Variants in BRINP1 observed in about 807,000 individuals in gnomAD.
BRINP1 encodes the protein BMP/retinoic acid inducible neural specific 1.
In BRINP1, 17 loss-of-function variants were observed where a neutral mutation model predicts 72.9. That is an observed-to-expected ratio of 0.23 (90% CI 0.16 to 0.35). The LOEUF is 0.35. Ranked by LOEUF, BRINP1 falls within the 10% of genes least tolerant of loss-of-function variation. The pLI is 1.00. For missense variants in BRINP1, 850 were observed against 1,001.6 expected (o/e 0.85, Z 2.04); for synonymous variants, 418 against 378.5 (o/e 1.10, Z -1.21).
chr9:119,295,165 T>A (rs906708376), intron 2 of BRINP1, among the ~76,000 whole-genome samples: 1 of 152,152 alleles, frequency 6.6e-6, no homozygotes, highest in Non-Finnish European at 1.5e-5. Context: ...TTTTAATTTT[T>A]TTTTAATTAT....
rs147873678 is a variant in BRINP1 at position 119,212,792 on chromosome 9, T to C, written c.922+1127A>G. ...CTCAAGGATTCTCAAGCTTATCCTA[T>C]AGAAAAGTGAGCACATGGTCTTCTT... On this transcript the variant is annotated intron_variant, in intron 6 of 7. Coordinates refer to ENST00000265922, the MANE Select transcript of BRINP1 (RefSeq NM_014618.3). Among the ~76,000 whole-genome samples the C allele has an allele frequency of 1.6e-4, 25 of 152,330 alleles. No homozygotes were observed. The East Asian group carries it at 2.5e-3, about 15-fold the overall frequency.
chr9:119,178,503 TC>T (rs1405517623), intron 7 of BRINP1, among the ~76,000 whole-genome samples: 2 of 152,144 alleles, frequency 1.3e-5, no homozygotes, highest in Non-Finnish European at 2.9e-5. Context: ...CTCCTATACC[TC>T]CCCTATCTCC....
intron 2 of BRINP1, among the ~76,000 whole-genome samples, chr9:119,251,827 G>C (rs752729654): frequency 1.3e-5 from 2 of 152,162 alleles, no homozygotes; most frequent in African/African-American, 4.8e-5. Flanking sequence ...CTTGCGGCTT[G>C]AGTCCTAATG....
chr9:119,265,853 T>C (rs1159706451), intron 2 of BRINP1, among the ~76,000 whole-genome samples: 1 of 152,138 alleles, frequency 6.6e-6, no homozygotes, highest in Non-Finnish European at 1.5e-5. Flanking sequence ...TAGTACCCCA[T>C]AGGTAGTTTT....
At chr9:119,309,807 C>T (rs1284080760) in intron 2 of BRINP1, among the ~76,000 whole-genome samples, 1 of 151,922 alleles carries the variant, frequency 6.6e-6, no homozygotes, top group African/African-American at 2.4e-5. Flanking sequence ...GAGGAGGGGG[C>T]GTGGGTTATG....
At chr9:119,355,241 C>G (rs1181662912) in intron 1 of BRINP1, among the ~76,000 whole-genome samples, 2 of 152,160 alleles carry the variant, frequency 1.3e-5, no homozygotes, top group African/African-American at 2.4e-5. Context: ...TAATCATGCT[C>G]TATATGATAT....
intron 7 of BRINP1, among the ~76,000 whole-genome samples, chr9:119,207,218 A>T (rs1016797306): frequency 6.6e-6 from 1 of 152,166 alleles, no homozygotes; most frequent in African/African-American, 2.4e-5. Context: ...AAAACGAGAG[A>T]AAAAAGGGTG....
intron 2 of BRINP1, among the ~76,000 whole-genome samples, chr9:119,297,936 C>T (rs1041476813): frequency 7.2e-5 from 11 of 152,232 alleles, no homozygotes; most frequent in Admixed American, 2.0e-4. Flanking sequence ...TGACAAGCAT[C>T]CGGGCCTGGG....
chr9:119,295,819 A>T (rs1436863134), intron 2 of BRINP1, among the ~76,000 whole-genome samples: 1 of 152,238 alleles, frequency 6.6e-6, no homozygotes, highest in African/African-American at 2.4e-5. Context: ...ATGTTGTTAG[A>T]AAAACAAGAC....
intron 2 of BRINP1, among the ~76,000 whole-genome samples, chr9:119,299,306 T>A (rs2147435): frequency 0.47 from 70,692 of 151,994 alleles, 17,079 homozygotes; most frequent in African/African-American, 0.58. Flanking sequence ...ACTTATTTAG[T>A]TTCCACATAT....
At chr9:119,188,321 A>G (rs1829646222) in intron 7 of BRINP1, among the ~76,000 whole-genome samples, 1 of 152,212 alleles carries the variant, frequency 6.6e-6, no homozygotes. Context: ...AGGAAATAAT[A>G]GGATGATACA....
At chr9:119,343,503 C>A (rs937740733) in intron 1 of BRINP1, among the ~76,000 whole-genome samples, 6 of 152,126 alleles carry the variant, frequency 3.9e-5, no homozygotes, top group African/African-American at 1.4e-4. Flanking sequence ...CGTGTTTGCT[C>A]CTCCTGCACG....
intron 1 of BRINP1, among the ~76,000 whole-genome samples, chr9:119,336,929 C>T (rs1423800113): frequency 6.6e-6 from 1 of 152,118 alleles, no homozygotes; most frequent in Non-Finnish European, 1.5e-5. Flanking sequence ...GGACAGGCAT[C>T]TGATTCCACG....
chr9:119,195,206 T>C (rs1328645235), intron 7 of BRINP1, among the ~76,000 whole-genome samples: 1 of 152,178 alleles, frequency 6.6e-6, no homozygotes, highest in East Asian at 1.9e-4. Context: ...ACTCATTGTC[T>C]TGCTCACCCC....
chr9:119,302,853 C>T (rs913128393), intron 2 of BRINP1, among the ~76,000 whole-genome samples: 2 of 151,842 alleles, frequency 1.3e-5, no homozygotes, highest in African/African-American at 4.8e-5. Context: ...TTTCAACACT[C>T]CTCATACTAG....
At chr9:119,168,431 ACTTTACCTTC>A (rs1829347440) in intron 7 of BRINP1, among the ~76,000 whole-genome samples, 2 of 152,174 alleles carry the variant, frequency 1.3e-5, no homozygotes, top group South Asian at 4.1e-4. Flanking sequence ...ATGACATCGT[ACTTTACCTTC>A]CTAATGTTCA....
At chr9:119,266,129 G>A (rs1405729950) in intron 2 of BRINP1, among the ~76,000 whole-genome samples, 1 of 152,152 alleles carries the variant, frequency 6.6e-6, no homozygotes, top group African/African-American at 2.4e-5. Context: ...GCAAGTTCAG[G>A]GGACAGACAG....
intron 1 of BRINP1, among the ~76,000 whole-genome samples, chr9:119,363,814 G>A (rs1306092021): frequency 6.6e-6 from 1 of 152,118 alleles, no homozygotes; most frequent in Non-Finnish European, 1.5e-5. Context: ...TAAATATTCA[G>A]TTCATCAGCA....
intron 1 of BRINP1, among the ~76,000 whole-genome samples, chr9:119,313,972 T>C (rs1265523904): frequency 6.6e-6 from 1 of 152,218 alleles, no homozygotes; most frequent in Non-Finnish European, 1.5e-5. Context: ...TGCTTTTGCA[T>C]GAACAGATGA....
Sources: allele counts gnomAD v4.1 joint callset (sites outside exome capture counted in the v4.1 genomes callset), GRCh38; gene constraint gnomAD v4.1.1; transcripts MANE v1.5; gene names NCBI Gene and HGNC (gene_info 2026-07-23, HGNC 2026-07-21).